Variants in UTS2 observed in about 807,000 individuals in gnomAD.
UTS2 encodes the protein urotensin 2, also known as urotensin-2.
In UTS2, 10 loss-of-function variants were observed where a neutral mutation model predicts 12.6. The ratio of observed to expected loss-of-function variants is 0.80; its 90% CI spans 0.49 to 1.35. The LOEUF is 1.35. Among genes scored for constraint, UTS2 ranks in the 40% most tolerant of loss-of-function variants. UTS2 has a pLI of 0.00. For synonymous variants in UTS2, 52 were observed against 50.0 expected (o/e 1.04, Z -0.17); for missense variants, 142 against 143.2 (o/e 0.99, Z 0.04).
At chr1:7,895,306 T>C in the UTS2 span, among the ~76,000 whole-genome samples, 2 of 151,846 alleles carry the variant, frequency 1.3e-5, no homozygotes, top group Non-Finnish European at 2.9e-5. Context: ...GAGGCAGAGG[T>C]TGCAGTGAGC....
the UTS2 span, among the ~76,000 whole-genome samples, chr1:7,904,538 T>C: frequency 6.6e-6 from 1 of 152,096 alleles, no homozygotes; most frequent in Non-Finnish European, 1.5e-5. Context: ...ACTTTGATTT[T>C]AGAATATATT....
chr1:7,894,094 C>T, the UTS2 span, among the ~76,000 whole-genome samples: 1 of 151,824 alleles, frequency 6.6e-6, no homozygotes, highest in Non-Finnish European at 1.5e-5. Flanking sequence ...TCTACCCCAT[C>T]CACTGTTCTC....
At chr1:7,888,695 C>T in the UTS2 span, among the ~76,000 whole-genome samples, 1 of 152,188 alleles carries the variant, frequency 6.6e-6, no homozygotes, top group Non-Finnish European at 1.5e-5. Flanking sequence ...TGTGAGATTT[C>T]ATCAGAACTT....
the UTS2 span, among the ~76,000 whole-genome samples, chr1:7,912,386 CT>C: frequency 6.6e-6 from 1 of 152,182 alleles, no homozygotes; most frequent in Non-Finnish European, 1.5e-5. Context: ...AAGTTTCAGT[CT>C]TTCATTTGCA....
the UTS2 span, among the ~76,000 whole-genome samples, chr1:7,890,869 C>G: frequency 6.8e-6 from 1 of 147,932 alleles, no homozygotes; most frequent in East Asian, 2.0e-4. Flanking sequence ...AAAACCTAAC[C>G]ACTCTGTTCC....
chr1:7,899,204 T>C, the UTS2 span, among the ~76,000 whole-genome samples: 21 of 152,056 alleles, frequency 1.4e-4, no homozygotes, highest in African/African-American at 2.9e-4. Flanking sequence ...ATCTCCAACA[T>C]TGGGGATTAC....
chr1:7,882,929 T>A, the UTS2 span, among the ~76,000 whole-genome samples: 1 of 152,220 alleles, frequency 6.6e-6, no homozygotes, highest in East Asian at 1.9e-4. Flanking sequence ...GGTAAGAATG[T>A]GGAGAAAAGG....
At chr1:7,863,041 TTGTATTGTATTG>T in the UTS2 span, among the ~76,000 whole-genome samples, 127 of 29,362 alleles carry the variant, frequency 4.3e-3, 3 homozygotes, top group South Asian at 0.019. Context: ...TTGTATTGTA[TTGTATTGTATTG>T]TATTGTATTG....
At chr1:7,884,302 AT>A in the UTS2 span, among the ~76,000 whole-genome samples, 547 of 140,042 alleles carry the variant, frequency 3.9e-3, 1 homozygote, top group Middle Eastern at 0.011. Flanking sequence ...ATAACATCTG[AT>A]TTTTTTTTTT....
At chr1:7,873,744 A>G in the UTS2 span, among the ~76,000 whole-genome samples, 1 of 152,206 alleles carries the variant, frequency 6.6e-6, no homozygotes, top group African/African-American at 2.4e-5. Context: ...TAAAATGACA[A>G]CAAAGGACTT....
At chr1:7,892,854 C>T in the UTS2 span, among the ~76,000 whole-genome samples, 2 of 152,106 alleles carry the variant, frequency 1.3e-5, no homozygotes, top group Non-Finnish European at 2.9e-5. Flanking sequence ...ATCCAGGGAA[C>T]TCTCCCATCT....
the UTS2 span, among the ~76,000 whole-genome samples, chr1:7,875,867 A>C: frequency 6.6e-6 from 1 of 152,048 alleles, no homozygotes; most frequent in Non-Finnish European, 1.5e-5. Flanking sequence ...CATGCAAACT[A>C]TTGGGGGGCC....
the UTS2 span, among the ~76,000 whole-genome samples, chr1:7,863,977 C>T: frequency 3.9e-5 from 6 of 152,282 alleles, no homozygotes; most frequent in South Asian, 2.1e-4. Flanking sequence ...GGGGTCTGCC[C>T]GGGAGAATTC....
the UTS2 span, among the ~76,000 whole-genome samples, chr1:7,887,626 C>T: frequency 3.6e-5 from 5 of 140,700 alleles, no homozygotes; most frequent in African/African-American, 1.1e-4. Flanking sequence ...AATAGCTGGA[C>T]ATGGTAGCAC....
the UTS2 span, among the ~76,000 whole-genome samples, chr1:7,861,846 A>G: frequency 6.6e-6 from 1 of 151,994 alleles, no homozygotes; most frequent in African/African-American, 2.4e-5. Context: ...TTTGGTGACA[A>G]GTAGGTTTTG....
the UTS2 span, among the ~76,000 whole-genome samples, chr1:7,859,785 C>T: frequency 6.6e-6 from 1 of 152,232 alleles, no homozygotes; most frequent in South Asian, 2.1e-4. Context: ...ATCACTTGAG[C>T]CCAGGAGTTC....
At chr1:7,868,602 G>T in the UTS2 span, among the ~76,000 whole-genome samples, 2 of 152,218 alleles carry the variant, frequency 1.3e-5, no homozygotes, top group Non-Finnish European at 2.9e-5. Context: ...GGGCCGGAAG[G>T]CCCATGTCCC....
the UTS2 span, among the ~76,000 whole-genome samples, chr1:7,864,254 T>G: frequency 1.6e-4 from 24 of 152,118 alleles, no homozygotes; most frequent in African/African-American, 5.1e-4. Flanking sequence ...TTGAGGCATC[T>G]CTCCCTGGCT....
chr1:7,855,203 T>A (rs1160346521), upstream of UTS2, among the ~76,000 whole-genome samples: 1 of 148,302 alleles, frequency 6.7e-6, no homozygotes, highest in Non-Finnish European at 1.5e-5. Flanking sequence ...TAGATACCAT[T>A]TTTGTAAATT....
Sources: gnomAD v4.1 joint callset for allele counts (sites outside exome capture counted in the v4.1 genomes callset) on GRCh38, gnomAD v4.1.1 for gene constraint, MANE v1.5 for transcripts, NCBI Gene and HGNC (gene_info 2026-07-23, HGNC 2026-07-21) for gene names.